The following SPEF2 variants were observed in gnomAD, a reference collection of about 807,000 sequenced individuals.
SPEF2 encodes the protein sperm flagella and cilia-associated protein 2.
In SPEF2, 187 loss-of-function variants were observed where a neutral mutation model predicts 224.6. The ratio of observed to expected loss-of-function variants is 0.83; its 90% CI spans 0.74 to 0.94. The LOEUF (loss-of-function observed/expected upper bound fraction) is 0.94, where lower values mean the gene tolerates loss of function less well. Ranked by LOEUF, SPEF2 falls within the 40% of genes least tolerant of loss-of-function variation. The pLI, the probability that SPEF2 is intolerant of heterozygous loss-of-function variation, is 0.00. For missense variants in SPEF2, 2,170 were observed against 2,135.6 expected (o/e 1.02, Z -0.32); for synonymous variants, 715 against 707.3 (o/e 1.01, Z -0.17).
At chr5:35,638,865 G>T (rs762543658) in intron 2 of SPEF2, among the ~76,000 whole-genome samples, 2 of 152,136 alleles carry the variant, frequency 1.3e-5, no homozygotes, top group Non-Finnish European at 2.9e-5. Context: ...ATAAATGAGG[G>T]ATATCAGGGA....
intron 21 of SPEF2, among the ~76,000 whole-genome samples, chr5:35,736,822 A>G (rs1746686358): frequency 1.3e-5 from 2 of 152,318 alleles, no homozygotes; most frequent in South Asian, 4.1e-4. Context: ...TTTCTGCTAA[A>G]GCTTTAGCAA....
At chr5:35,808,121 A>C (rs1377340669) in intron 36 of SPEF2, 2 of 992,540 alleles carry the variant, frequency 2.0e-6, no homozygotes, top group East Asian at 2.2e-4. Context: ...AAATGAAACT[A>C]TTCAGACTTA....
chr5:35,698,128 G>C (rs6414876), intron 15 of SPEF2: 17 of 170,206 alleles, frequency 1.0e-4, no homozygotes, highest in Non-Finnish European at 2.5e-5. Flanking sequence ...AAAGAAGCCA[G>C]AGAGACTTGG....
chr5:35,687,139 T>G (rs1411190545), intron 10 of SPEF2, among the ~76,000 whole-genome samples: 1 of 152,208 alleles, frequency 6.6e-6, no homozygotes, highest in Non-Finnish European at 1.5e-5. Flanking sequence ...GGTGTCAATT[T>G]ATTTTTATGA....
chr5:35,677,697 C>T (rs955919828), intron 10 of SPEF2, among the ~76,000 whole-genome samples: 1 of 152,098 alleles, frequency 6.6e-6, no homozygotes, highest in South Asian at 2.1e-4. Context: ...TGAGTCACTT[C>T]GAGCACAGCT....
chr5:35,665,182 A>C (rs766719623), intron 8 of SPEF2, among the ~76,000 whole-genome samples: 46 of 152,146 alleles, frequency 3.0e-4, no homozygotes, highest in Non-Finnish European at 2.4e-4. Context: ...TAGAAGGCTC[A>C]AAGTCACACA....
At chr5:35,744,402 A>G (rs1748139144) in intron 23 of SPEF2, among the ~76,000 whole-genome samples, 2 of 152,186 alleles carry the variant, frequency 1.3e-5, no homozygotes, top group Admixed American at 1.3e-4. Flanking sequence ...CATTGCTTTA[A>G]TCCCTTTTTA....
intron 21 of SPEF2, among the ~76,000 whole-genome samples, chr5:35,733,788 T>TAA (rs369958797): frequency 4.7e-4 from 70 of 147,940 alleles, no homozygotes; most frequent in African/African-American, 1.6e-3. Flanking sequence ...GTGAATTGTT[T>TAA]AAAAAAAAAA....
chr5:35,675,893 TA>T (rs1331975917), intron 10 of SPEF2: 1 of 456,000 alleles, frequency 2.2e-6, no homozygotes, highest in East Asian at 7.0e-5. Context: ...GAGGGCTTGA[TA>T]GGGGTCTGGG....
intron 21 of SPEF2, among the ~76,000 whole-genome samples, chr5:35,728,377 T>C (rs1367170289): frequency 6.6e-6 from 1 of 152,220 alleles, no homozygotes; most frequent in Non-Finnish European, 1.5e-5. Context: ...CCAGTTGCCA[T>C]CTACTATTTT....
intron 24 of SPEF2, among the ~76,000 whole-genome samples, chr5:35,754,304 C>T (rs1353851643): frequency 2.0e-5 from 3 of 152,092 alleles, no homozygotes; most frequent in Non-Finnish European, 4.4e-5. Flanking sequence ...TGATTTTATT[C>T]GACACTATTG....
At chr5:35,802,933 AC>A (rs1318442079) in intron 34 of SPEF2, among the ~76,000 whole-genome samples, 1 of 152,160 alleles carries the variant, frequency 6.6e-6, no homozygotes, top group Non-Finnish European at 1.5e-5. Context: ...GAGACTACAG[AC>A]GGCAAAGGAG....
At chr5:35,773,602 CTA>C (rs1434455279) in intron 27 of SPEF2, among the ~76,000 whole-genome samples, 1 of 152,110 alleles carries the variant, frequency 6.6e-6, no homozygotes, top group Non-Finnish European at 1.5e-5. Flanking sequence ...CTGGATTTCA[CTA>C]TGTTTGGAAA....
chr5:35,757,283 A>G (rs900135673), intron 24 of SPEF2, among the ~76,000 whole-genome samples: 1 of 152,072 alleles, frequency 6.6e-6, no homozygotes, highest in Non-Finnish European at 1.5e-5. Flanking sequence ...TTAGTATTTT[A>G]TATAAGATAA....
At chr5:35,699,164 C>G (rs1196898886) in intron 15 of SPEF2, 1 of 152,148 alleles carries the variant, frequency 6.6e-6, no homozygotes, top group Non-Finnish European at 1.5e-5. Flanking sequence ...TTTCCCCCTC[C>G]TTCCTTGTTA....
intron 4 of SPEF2, among the ~76,000 whole-genome samples, chr5:35,646,127 G>A (rs1388326583): frequency 1.3e-5 from 2 of 152,124 alleles, no homozygotes; most frequent in African/African-American, 4.8e-5. Context: ...CAGAAGAGAT[G>A]ATCCAATAAT....
intron 25 of SPEF2, 130 bp from the exon 26 acceptor site, chr5:35,763,392 A>T: frequency 1.2e-6 from 1 of 866,502 alleles, no homozygotes; most frequent in Non-Finnish European, 1.7e-6. Context: ...CCATTAAAAT[A>T]ATTCTTTCAG....
intron 13 of SPEF2, among the ~76,000 whole-genome samples, chr5:35,695,511 A>G (rs1373259857): frequency 6.6e-6 from 1 of 151,792 alleles, no homozygotes; most frequent in African/African-American, 2.4e-5. Flanking sequence ...GGAGGGAGGT[A>G]GGGAGGGAGG....
At chr5:35,789,748 G>A in intron 30 of SPEF2, 1 of 696,936 alleles carries the variant, frequency 1.4e-6, no homozygotes. Flanking sequence ...TTCTCCCATG[G>A]TCTGTGTGAG....
Sources: allele counts gnomAD v4.1 joint callset (sites outside exome capture counted in the v4.1 genomes callset), GRCh38; gene constraint gnomAD v4.1.1; transcripts MANE v1.5; gene names NCBI Gene and HGNC (gene_info 2026-07-23, HGNC 2026-07-21).